The following MTCH2 variants were observed in gnomAD, a reference collection of about 807,000 sequenced individuals.
MTCH2 encodes mitochondrial carrier homolog 2.
In MTCH2, 25 loss-of-function variants were observed where a neutral mutation model predicts 50.6. That is an observed-to-expected ratio of 0.49 (90% confidence interval 0.36 to 0.69). MTCH2 has a LOEUF of 0.69. MTCH2 is among the 30% of genes least tolerant of loss of function. MTCH2 has a pLI of 0.00. For synonymous variants in MTCH2, 106 were observed against 132.0 expected, an observed-to-expected ratio of 0.80 and a Z score of 1.35; for missense variants, 273 against 384.4, an observed-to-expected ratio of 0.71 and a Z score of 2.42.
chr11:47,608,171 A>T, the MTCH2 span, among the ~76,000 whole-genome samples: 2 of 152,158 alleles, frequency 1.3e-5, no homozygotes, highest in Admixed American at 6.5e-5. Flanking sequence ...TATGGGTTGG[A>T]GCTAATGGCG....
chr11:47,634,373 C>A (rs1211181950), intron 5 of MTCH2, among the ~76,000 whole-genome samples: 1 of 152,006 alleles, frequency 6.6e-6, no homozygotes, highest in Non-Finnish European at 1.5e-5. Flanking sequence ...AGCCACCACA[C>A]CTGGCCTATT....
chr11:47,632,159 C>T (rs11600974), intron 5 of MTCH2, among the ~76,000 whole-genome samples: 5,456 of 152,156 alleles, frequency 0.036, 102 homozygotes, highest in Middle Eastern at 0.065. Context: ...TCTCTACTCA[C>T]ATTTTTGGGA....
At chr11:47,633,292 C>T (rs140736952) in intron 5 of MTCH2, among the ~76,000 whole-genome samples, 2 of 145,518 alleles carry the variant, frequency 1.4e-5, no homozygotes, top group African/African-American at 2.5e-5. Context: ...TTGTATTTTT[C>T]GTAGAGACGG....
intron 11 of MTCH2, among the ~76,000 whole-genome samples, chr11:47,624,716 T>C (rs1048975763): frequency 7.9e-5 from 12 of 152,178 alleles, no homozygotes; most frequent in Non-Finnish European, 1.5e-4. Flanking sequence ...GAGGATCCCT[T>C]GAGCTCAGGA....
chr11:47,612,728 CAAA>C (rs541769139), downstream of MTCH2, among the ~76,000 whole-genome samples: 13 of 96,972 alleles, frequency 1.3e-4, no homozygotes, highest in Admixed American at 2.3e-4. Context: ...GACCCTATCT[CAAA>C]AAAAAAAAAA....
At chr11:47,605,208 G>A in the MTCH2 span, among the ~76,000 whole-genome samples, 1 of 152,270 alleles carries the variant, frequency 6.6e-6, no homozygotes, top group East Asian at 1.9e-4. Context: ...GATTACAGGT[G>A]TGAGCCACCG....
At chr11:47,613,328 G>A (rs377474466), downstream of MTCH2, among the ~76,000 whole-genome samples, 14 of 152,100 alleles carry the variant, frequency 9.2e-5, no homozygotes, top group African/African-American at 3.1e-4. Context: ...GCTCTGAAAA[G>A]GAGGTAAGAC....
intron 3 of MTCH2, 28 bp downstream of exon 3, chr11:47,638,670 TG>T (rs1382621637): frequency 1.3e-6 from 2 of 1,542,982 alleles, no homozygotes; most frequent in South Asian, 1.1e-5. Context: ...GCAACATCTA[TG>T]GGAAGATTGA....
chr11:47,619,388 C>T (rs575051048), intron 12 of MTCH2, among the ~76,000 whole-genome samples: 4 of 152,078 alleles, frequency 2.6e-5, no homozygotes, highest in Non-Finnish European at 5.9e-5. Flanking sequence ...AACGCGCCAC[C>T]GTGCCTGGCT....
the MTCH2 span, among the ~76,000 whole-genome samples, chr11:47,611,063 G>C: frequency 6.6e-6 from 1 of 152,174 alleles, no homozygotes; most frequent in Non-Finnish European, 1.5e-5. Context: ...TGTACATATG[G>C]TTTCACTTAA....
At position 47,634,653 on chromosome 11, in the gene MTCH2, G is replaced by C. The variant is rs749282450; in HGVS notation, c.369+19C>G. 1 of 1,592,702 alleles carries C rather than the reference G, an allele frequency of 6.3e-7. No individual in the cohort carries two copies. Among genetic ancestry groups the C allele is most frequent in the African/African-American group, 1.3e-5 (1 of 74,324 alleles). ...AGTTTGATCTGGGCAAACAGCACAG[G>C]ATGTAATTCATCTCTTACCTCCTTG... is the stretch of plus-strand genomic sequence containing the variant. On this transcript the variant is annotated intron_variant, in intron 5 of 12. Coordinates refer to ENST00000302503, the MANE Select transcript of MTCH2 (RefSeq NM_014342.4).
the MTCH2 span, among the ~76,000 whole-genome samples, chr11:47,608,680 C>A: frequency 6.6e-6 from 1 of 152,166 alleles, no homozygotes; most frequent in Non-Finnish European, 1.5e-5. Context: ...AAATCTTGGC[C>A]GATTGCGGTG....
At position 47,630,714 on chromosome 11, in the gene MTCH2, C is replaced by A. The variant is rs1565969691; in HGVS notation, c.480-100G>T. ...ACATTGGACAAGGTCAAATCCACGA[C>A]CTCCTTCCCTCACACTTTTCTAGCA... is the stretch of plus-strand genomic sequence containing the variant. On this transcript the variant is annotated intron_variant, in intron 7 of 12. Transcript: ENST00000302503. 4 of 1,062,012 alleles carry A rather than the reference C, an allele frequency of 3.8e-6. No individual in the cohort carries two copies. The African/African-American group carries it at 4.8e-5, about 13-fold the overall frequency. 65.8% of individuals were successfully genotyped at this position (1,062,012 alleles called of 1,614,324 possible). A position where few individuals can be genotyped will look rare whatever the true frequency, so the allele number is the denominator to read the frequency against.
At chr11:47,625,543 C>A in intron 11 of MTCH2, 131 bp downstream of exon 11, 1 of 683,738 alleles carries the variant, frequency 1.5e-6, no homozygotes, top group Non-Finnish European at 2.5e-6. Context: ...ACTTTTCCTC[C>A]CCCCCTTTTT....
intron 11 of MTCH2, among the ~76,000 whole-genome samples, chr11:47,623,375 T>C (rs865924619): frequency 1.6e-5 from 2 of 122,506 alleles, no homozygotes; most frequent in Non-Finnish European, 3.4e-5. Flanking sequence ...CAGTCTTTTT[T>C]TAAAAAAAAA....
intron 3 of MTCH2, among the ~76,000 whole-genome samples, chr11:47,638,110 T>A (rs939652611): frequency 6.6e-6 from 1 of 152,072 alleles, no homozygotes; most frequent in Non-Finnish European, 1.5e-5. Flanking sequence ...ATATTCAGGG[T>A]ACCTGGTTAC....
intron 12 of MTCH2, among the ~76,000 whole-genome samples, chr11:47,619,955 T>C (rs1158222708): frequency 6.6e-6 from 1 of 152,138 alleles, no homozygotes; most frequent in Non-Finnish European, 1.5e-5. Flanking sequence ...CGGACACCTG[T>C]AATCCCAGCT....
At chr11:47,616,036 G>A (rs562397710), downstream of MTCH2, among the ~76,000 whole-genome samples, 14 of 151,992 alleles carry the variant, frequency 9.2e-5, no homozygotes, top group Non-Finnish European at 1.9e-4. Context: ...TCAGCTTACC[G>A]CAACCTCCGC....
the MTCH2 span, among the ~76,000 whole-genome samples, chr11:47,605,047 C>T: frequency 2.0e-5 from 3 of 152,132 alleles, no homozygotes; most frequent in African/African-American, 7.2e-5. Flanking sequence ...TCTCCTGCCT[C>T]AGCCTCCCGA....
Sources: allele counts gnomAD v4.1 joint callset (sites outside exome capture counted in the v4.1 genomes callset), GRCh38; gene constraint gnomAD v4.1.1; transcripts MANE v1.5; gene names NCBI Gene and HGNC (gene_info 2026-07-23, HGNC 2026-07-21).